CABCOCO1: variants seen among roughly 807,000 people sequenced by gnomAD.
CABCOCO1 encodes ciliary associated calcium binding coiled-coil 1, also known as ciliary-associated calcium-binding coiled-coil protein 1.
CABCOCO1 carries 28 observed loss-of-function variants against 35.7 expected under a neutral mutation model. The observed-to-expected ratio is 0.78, with a 90% CI of 0.58 to 1.07. The LOEUF is 1.07. Among genes scored for constraint, CABCOCO1 ranks in the 50% least tolerant of loss-of-function variants. The probability of loss-of-function intolerance (pLI) is 0.00; values close to 1 mark genes in which losing one functional copy is unlikely to be tolerated. For missense variants in CABCOCO1, 326 were observed against 309.2 expected (o/e 1.05, Z -0.41); for synonymous variants, 95 against 100.1 (o/e 0.95, Z 0.30).
chr10:61,681,435 G>C, intron 3 of CABCOCO1, 123 bp downstream of exon 3: 1 of 677,528 alleles, frequency 1.5e-6, no homozygotes. Context: ...TTTTTCCTGA[G>C]TATAACAAAT....
At chr10:61,752,714 A>T (rs1211786564) in intron 5 of CABCOCO1, among the ~76,000 whole-genome samples, 1 of 152,226 alleles carries the variant, frequency 6.6e-6, no homozygotes, top group African/African-American at 2.4e-5. Context: ...CTTGGCTCTA[A>T]GAGGTCAGAA....
chr10:61,741,416 A>T (rs1841547077), intron 5 of CABCOCO1, among the ~76,000 whole-genome samples: 1 of 152,192 alleles, frequency 6.6e-6, no homozygotes, highest in South Asian at 2.1e-4. Context: ...CAACTTGGTG[A>T]ATGAGTGCCA....
At chr10:61,670,229 A>G (rs570463600) in intron 1 of CABCOCO1, among the ~76,000 whole-genome samples, 3 of 152,266 alleles carry the variant, frequency 2.0e-5, no homozygotes, top group South Asian at 4.1e-4. Flanking sequence ...AAATATATAT[A>G]ATGAAAATCA....
Position 61,687,188 on chromosome 10 carries a change from G to A in CABCOCO1, c.479+1003G>A, listed in dbSNP as rs181343027. On this transcript the variant is annotated intron_variant, in intron 4 of 7. Transcript: ENST00000648843. ...TCATATGATATACTATGGTTTTTACGTAATAACATTTAAAACAATGTGGTT... is the reference window on the plus strand; with the variant it reads ...TCATATGATATACTATGGTTTTTACATAATAACATTTAAAACAATGTGGTT... Among the ~76,000 whole-genome samples the A allele has an allele frequency of 3.3e-5, 5 of 152,210 alleles. No individual in the cohort carries two copies. In the East Asian group the frequency reaches 5.8e-4, roughly 18 times the overall value.
intron 5 of CABCOCO1, among the ~76,000 whole-genome samples, chr10:61,698,904 G>A (rs1312674409): frequency 2.0e-5 from 3 of 152,082 alleles, no homozygotes; most frequent in African/African-American, 4.8e-5. Context: ...TTTTGGAAAC[G>A]AGGAAGGCAA....
At chr10:61,711,202 T>C (rs1840726338) in intron 5 of CABCOCO1, among the ~76,000 whole-genome samples, 1 of 151,814 alleles carries the variant, frequency 6.6e-6, no homozygotes, top group Admixed American at 6.6e-5. Context: ...AGAAAAAAGG[T>C]AAAGATGATC....
At chr10:61,737,427 C>T (rs1416674243) in intron 5 of CABCOCO1, among the ~76,000 whole-genome samples, 1 of 152,116 alleles carries the variant, frequency 6.6e-6, no homozygotes, top group Non-Finnish European at 1.5e-5. Flanking sequence ...AACTGGTAAC[C>T]ATTTGACCCA....
intron 5 of CABCOCO1, among the ~76,000 whole-genome samples, chr10:61,729,201 A>G (rs1841238057): frequency 6.6e-6 from 1 of 152,196 alleles, no homozygotes; most frequent in African/African-American, 2.4e-5. Context: ...AAACTTAAGG[A>G]TTATGATTCA....
At chr10:61,702,181 T>C (rs780562386) in intron 5 of CABCOCO1, among the ~76,000 whole-genome samples, 7 of 152,204 alleles carry the variant, frequency 4.6e-5, no homozygotes, top group Non-Finnish European at 1.0e-4. Context: ...TGTTGAATGA[T>C]ATTTTCTGAA....
chr10:61,679,395 G>A (rs1346175325), intron 2 of CABCOCO1, among the ~76,000 whole-genome samples: 2 of 151,884 alleles, frequency 1.3e-5, no homozygotes, highest in African/African-American at 4.8e-5. Flanking sequence ...ACCATTCCAG[G>A]AACCCTTGTC....
chr10:61,710,282 GT>G (rs1840701441), intron 5 of CABCOCO1, among the ~76,000 whole-genome samples: 1 of 99,146 alleles, frequency 1.0e-5, no homozygotes, highest in East Asian at 2.3e-4. Flanking sequence ...GTGTGTGTGT[GT>G]GTGTGTGTGT....
At chr10:61,684,143 C>A (rs1589119712) in intron 3 of CABCOCO1, among the ~76,000 whole-genome samples, 1 of 152,148 alleles carries the variant, frequency 6.6e-6, no homozygotes, top group South Asian at 2.1e-4. Context: ...TAATTGAATT[C>A]CACTTAGAAT....
chr10:61,726,388 T>A (rs1468822034), intron 5 of CABCOCO1, among the ~76,000 whole-genome samples: 1 of 152,086 alleles, frequency 6.6e-6, no homozygotes, highest in Non-Finnish European at 1.5e-5. Context: ...CTATCTTATT[T>A]ATTAAAATAA....
chr10:61,702,758 T>A (rs996755753), intron 5 of CABCOCO1, among the ~76,000 whole-genome samples: 2 of 152,152 alleles, frequency 1.3e-5, no homozygotes, highest in African/African-American at 4.8e-5. Context: ...AGATATGCAC[T>A]GTGCATGAAA....
At chr10:61,737,194 G>GA (rs1317582399) in intron 5 of CABCOCO1, among the ~76,000 whole-genome samples, 11 of 151,614 alleles carry the variant, frequency 7.3e-5, no homozygotes, top group African/African-American at 2.4e-4. Flanking sequence ...ACAAGCATAT[G>GA]AAAAAAGCTC....
rs1839448146 is a variant in CABCOCO1, at chr10:61,674,407, C to T, written c.164+1672C>T. Among the ~76,000 whole-genome samples, 3 of 152,124 alleles carry T rather than the reference C, an allele frequency of 2.0e-5. No individual in the cohort carries two copies. The South Asian group carries it at 6.2e-4, about 31-fold the overall frequency. On this transcript the variant is annotated intron_variant, in intron 2 of 7. Transcript: ENST00000648843. ...CCTGAAGTGACCTCAAATTTTAAGA[C>T]ATCATCTTTGGATAAATAACATCAG...
chr10:61,678,117 T>C (rs547645358), intron 2 of CABCOCO1, among the ~76,000 whole-genome samples: 1 of 152,282 alleles, frequency 6.6e-6, no homozygotes, highest in East Asian at 1.9e-4. Context: ...GGATAACCAA[T>C]TCTCCCAGCA....
chr10:61,746,176 A>T (rs1272937674), intron 5 of CABCOCO1, among the ~76,000 whole-genome samples: 1 of 152,200 alleles, frequency 6.6e-6, no homozygotes, highest in Non-Finnish European at 1.5e-5. Flanking sequence ...CAATAAATAT[A>T]TTAATAAAAT....
chr10:61,700,943 A>T (rs1181124360), intron 5 of CABCOCO1, among the ~76,000 whole-genome samples: 1 of 63,536 alleles, frequency 1.6e-5, no homozygotes, highest in South Asian at 6.4e-4. Flanking sequence ...ATACATATAC[A>T]TACATGTATA....
Sources: gnomAD v4.1 joint callset for allele counts (sites outside exome capture counted in the v4.1 genomes callset) on GRCh38, gnomAD v4.1.1 for gene constraint, MANE v1.5 for transcripts, NCBI Gene and HGNC (gene_info 2026-07-23, HGNC 2026-07-21) for gene names.